Variants in ZNF831 observed in about 807,000 individuals in gnomAD.
ZNF831 encodes the protein chromosome 20 open reading frame 174.
ZNF831 carries 59 observed loss-of-function variants against 95.8 expected under a neutral mutation model. That is an observed-to-expected ratio of 0.62 (90% CI 0.50 to 0.77). The LOEUF (loss-of-function observed/expected upper bound fraction) is 0.77. ZNF831 is among the 30% of genes least tolerant of loss of function. The pLI is 0.00. For synonymous variants in ZNF831, 961 were observed against 925.5 expected (o/e 1.04, Z -0.70); for missense variants, 2,205 against 2,164.0 (o/e 1.02, Z -0.38).
chr20:59,129,870 G>A (rs75655984), intron 1 of ZNF831, among the ~76,000 whole-genome samples: 11,295 of 152,256 alleles, frequency 0.074, 518 homozygotes, highest in South Asian at 0.14. Flanking sequence ...TCCCATGCTC[G>A]TTCCTCCTTC....
At chr20:59,165,342 G>C (rs1981174266) in intron 1 of ZNF831, among the ~76,000 whole-genome samples, 1 of 152,196 alleles carries the variant, frequency 6.6e-6, no homozygotes. Flanking sequence ...TGTTTGGTTA[G>C]GGGAGTGGGG....
In ZNF831 at chr20:59,192,930, C is replaced by T. The variant is rs779653195; in HGVS notation, c.1911C>T (p.Ala637=). ...TFKRIYQKMK[A]SPHGGKKARE... ...AAAGGATCTACCAGAAAATGAAAGC[C>T]AGTCCCCATGGAGGCAAGAAAGCCA... Residue 637 remains alanine (A), a synonymous_variant, in exon 2 of 6, where the codon GCC becomes GCT. Coordinates refer to ENST00000371030, the MANE Select transcript of ZNF831 (RefSeq NM_178457.3). The surrounding 1 kb of genome is among the most constrained non-coding windows in gnomAD (Gnocchi z 5.2). The T allele has an allele frequency of 6.2e-7, 1 of 1,600,846 alleles. No individual in the cohort carries two copies. Among genetic ancestry groups the T allele is most frequent in the Admixed American group, 1.7e-5 (1 of 59,062 alleles).
chr20:59,123,868 A>G (rs777827685), intron 1 of ZNF831, among the ~76,000 whole-genome samples: 2 of 152,212 alleles, frequency 1.3e-5, no homozygotes, highest in African/African-American at 2.4e-5. Flanking sequence ...CCAATCAGGC[A>G]TCTCATCCAC....
At chr20:59,190,409 G>C (rs1983406766) in intron 1 of ZNF831, among the ~76,000 whole-genome samples, 1 of 152,196 alleles carries the variant, frequency 6.6e-6, no homozygotes, top group Non-Finnish European at 1.5e-5. Context: ...ATTTTTGTTT[G>C]ATAAATCTGG....
chr20:59,178,291 G>T (rs552755493), intron 1 of ZNF831, among the ~76,000 whole-genome samples: 1 of 152,306 alleles, frequency 6.6e-6, no homozygotes, highest in African/African-American at 2.4e-5. Flanking sequence ...GCACGTTAAG[G>T]GACTCTGCTG....
At chr20:59,144,725 C>A (rs970031274) in intron 1 of ZNF831, among the ~76,000 whole-genome samples, 3 of 152,314 alleles carry the variant, frequency 2.0e-5, no homozygotes, top group Non-Finnish European at 2.9e-5. Context: ...TCTCCTACCC[C>A]CTGTGTCAAC....
intron 2 of ZNF831, among the ~76,000 whole-genome samples, chr20:59,156,527 A>AAAATAAAT (rs548130607): frequency 6.6e-6 from 1 of 152,278 alleles, no homozygotes; most frequent in African/African-American, 2.4e-5. Flanking sequence ...CTCTGTCTCA[A>AAAATAAAT]AAATAAATAA....
intron 1 of ZNF831, among the ~76,000 whole-genome samples, chr20:59,134,584 A>G (rs1031307387): frequency 6.6e-6 from 1 of 152,232 alleles, no homozygotes; most frequent in Non-Finnish European, 1.5e-5. Context: ...GAAGGACAAG[A>G]GAAACCCAGC....
At chr20:59,166,632 T>C (rs1981291125) in intron 1 of ZNF831, among the ~76,000 whole-genome samples, 1 of 152,214 alleles carries the variant, frequency 6.6e-6, no homozygotes, top group Non-Finnish European at 1.5e-5. Flanking sequence ...CCTCCAGTTT[T>C]ATAATTTGTC....
At chr20:59,148,319 GT>G (rs1766613282) in intron 2 of ZNF831, among the ~76,000 whole-genome samples, 1 of 152,146 alleles carries the variant, frequency 6.6e-6, no homozygotes, top group Admixed American at 6.5e-5. Flanking sequence ...CTGAGGACCA[GT>G]GGCAAAGTCC....
At chr20:59,127,611 T>C (rs1181423812) in intron 1 of ZNF831, among the ~76,000 whole-genome samples, 1 of 152,200 alleles carries the variant, frequency 6.6e-6, no homozygotes, top group African/African-American at 2.4e-5. Context: ...CTACTTTATT[T>C]GATCTCTACT....
intron 2 of ZNF831, chr20:59,147,171 A>G (rs926894686): frequency 9.8e-5 from 15 of 152,288 alleles, no homozygotes; most frequent in African/African-American, 3.4e-4. Flanking sequence ...GTACATGTAG[A>G]AGAGAAGCAG....
At chr20:59,183,406 CAAAG>C (rs530003502) in intron 1 of ZNF831, among the ~76,000 whole-genome samples, 308 of 152,290 alleles carry the variant, frequency 2.0e-3, no homozygotes, top group Non-Finnish European at 3.6e-3. Context: ...AGGTGCTTTT[CAAAG>C]TAGAGGACCA....
chr20:59,190,650 A>C (rs1390999327), intron 1 of ZNF831, among the ~76,000 whole-genome samples: 1 of 152,248 alleles, frequency 6.6e-6, no homozygotes, highest in Non-Finnish European at 1.5e-5. Context: ...GTGTCTCTGC[A>C]TGTGGCACTG....
intron 1 of ZNF831, among the ~76,000 whole-genome samples, chr20:59,141,551 A>C (rs771839623): frequency 4.6e-5 from 7 of 152,082 alleles, no homozygotes; most frequent in Non-Finnish European, 7.4e-5. Flanking sequence ...TATTTCTGGG[A>C]TCTTTATTCT....
upstream of ZNF831, among the ~76,000 whole-genome samples, chr20:59,161,229 A>G (rs1311439180): frequency 1.3e-5 from 2 of 152,038 alleles, no homozygotes; most frequent in Non-Finnish European, 2.9e-5. Flanking sequence ...AACATTTTCA[A>G]CACCCCCAAA....
chr20:59,232,994 G>GCGCACACACA (rs1491469214), intron 4 of ZNF831, among the ~76,000 whole-genome samples: 29 of 122,990 alleles, frequency 2.4e-4, no homozygotes, highest in African/African-American at 8.7e-4. Flanking sequence ...GGACCCTGAG[G>GCGCACACACA]CACACACACA....
chr20:59,233,211 T>C (rs1369444696), intron 4 of ZNF831, among the ~76,000 whole-genome samples: 2 of 152,288 alleles, frequency 1.3e-5, no homozygotes, highest in South Asian at 2.1e-4. Flanking sequence ...AGAGTCATCA[T>C]TGTTTTTACA....
chr20:59,192,176 C>A lies in ZNF831; in HGVS notation c.1157C>A (p.Ala386Glu), dbSNP rs2146561105. 1 of 1,564,182 alleles carries A rather than the reference C, an allele frequency of 6.4e-7. No individual in the cohort carries two copies. The highest frequency in any genetic ancestry group is 8.6e-7 in the Non-Finnish European group (1 of 1,159,130). Residue 386 changes from alanine (A) to glutamate (E), a missense_variant, in exon 2 of 6, where the codon GCA becomes GAA. Ala to Glu is a moderately radical substitution (Grantham distance 107). Coordinates refer to ENST00000371030, the MANE Select transcript of ZNF831 (RefSeq NM_178457.3). The surrounding 1 kb of genome is among the most constrained non-coding windows in gnomAD (Gnocchi z 5.2). ...EGGPGPGPGVAGAEPGAREAG... is the reference protein window; with the variant it reads ...EGGPGPGPGVEGAEPGAREAG... ...GGCCCGGGCCCGGGGCCAGGGGTCG[C>A]AGGGGCCGAGCCCGGGGCGCGAGAA... is the stretch of plus-strand genomic sequence containing the variant.
Sources: allele counts gnomAD v4.1 joint callset (sites outside exome capture counted in the v4.1 genomes callset), GRCh38; gene constraint gnomAD v4.1.1; non-coding constraint Gnocchi (gnomAD v3.1); transcripts MANE v1.5; gene names NCBI Gene and HGNC (gene_info 2026-07-23, HGNC 2026-07-21).